The following DNAL4 variants were observed in gnomAD, a reference collection of about 807,000 sequenced individuals.
The protein encoded by DNAL4 is dynein axonemal light chain 4, also known as dynein light chain, outer arm 4.
A neutral mutation model predicts 12.6 loss-of-function variants in DNAL4; 10 were observed. The observed-to-expected ratio is 0.79, with a 90% CI of 0.49 to 1.34. The LOEUF (loss-of-function observed/expected upper bound fraction) is 1.34, where lower values mean the gene tolerates loss of function less well. DNAL4 is among the 40% of genes most tolerant of loss of function. The probability of loss-of-function intolerance (pLI) is 0.00; values close to 1 mark genes in which losing one functional copy is unlikely to be tolerated. For synonymous variants in DNAL4, 46 were observed against 53.1 expected (o/e 0.87, Z 0.58); for missense variants, 128 against 138.1 (o/e 0.93, Z 0.37).
intron 1 of DNAL4, among the ~76,000 whole-genome samples, chr22:38,786,775 C>A (rs1448628481): frequency 1.3e-5 from 2 of 152,176 alleles, no homozygotes; most frequent in African/African-American, 2.4e-5. Flanking sequence ...ATGTGAGGCT[C>A]TTCCTAAGCA....
At chr22:38,780,897 C>T (rs371998560) in intron 3 of DNAL4, 29 bp downstream of exon 3, 40 of 1,613,374 alleles carry the variant, frequency 2.5e-5, no homozygotes, top group Middle Eastern at 1.6e-4. Context: ...ATCAAAAGCA[C>T]GAGGGGCCGC....
intron 1 of DNAL4, among the ~76,000 whole-genome samples, chr22:38,789,701 C>A (rs530754186): frequency 3.9e-5 from 6 of 152,256 alleles, no homozygotes; most frequent in Admixed American, 3.9e-4. Context: ...GGCAGCCTGG[C>A]AGAAAGTAGT....
chr22:38,790,286 G>T (rs2093048604), intron 1 of DNAL4, among the ~76,000 whole-genome samples: 4 of 152,174 alleles, frequency 2.6e-5, no homozygotes, highest in Admixed American at 2.6e-4. Context: ...TGCAGTAATG[G>T]TCCAGGGGTA....
chr22:38,780,872 TC>T lies in DNAL4; in HGVS notation c.153+53del, dbSNP rs540318536. Reference sequence around the variant, plus strand: ...CTGCAGGGAACAGGGGCCACTTTATTCACCCACAGGGGCCATCAAAAGCACG... The same window carrying T: ...CTGCAGGGAACAGGGGCCACTTTATTACCCACAGGGGCCATCAAAAGCACG... On this transcript the variant is annotated intron_variant, in intron 3 of 3. Transcript: ENST00000216068. 1.4e-3 allele frequency: 2,179 copies of T among 1,585,354 alleles called. 4 individuals are homozygous for T. The highest frequency in any genetic ancestry group is 1.7e-3 in the Middle Eastern group (10 of 6,000).
intron 1 of DNAL4, among the ~76,000 whole-genome samples, chr22:38,787,244 CTTT>C (rs199611279): frequency 2.1e-5 from 3 of 142,358 alleles, no homozygotes; most frequent in African/African-American, 2.6e-5. Context: ...TTCTTTCTTT[CTTT>C]TTTTTTTTTT....
chr22:38,780,278 T>G (rs886309672), intron 3 of DNAL4, among the ~76,000 whole-genome samples: 5 of 152,176 alleles, frequency 3.3e-5, no homozygotes, highest in African/African-American at 1.2e-4. Flanking sequence ...TCCTCACAAC[T>G]GGCCCAGTGA....
chr22:38,787,224 TTTTCTTTC>T (rs554835421), intron 1 of DNAL4, among the ~76,000 whole-genome samples: 13 of 151,662 alleles, frequency 8.6e-5, no homozygotes, highest in East Asian at 3.9e-4. Flanking sequence ...TTTTCTTTTC[TTTTCTTTC>T]TTTCTTTCTT....
At position 38,778,801 on chromosome 22, in the gene DNAL4, C is replaced by G. The variant is rs2039738700; in HGVS notation, c.*648G>C. 1 of 152,592 alleles carries G rather than the reference C, an allele frequency of 6.6e-6. No homozygotes were observed. The highest frequency in any genetic ancestry group is 2.1e-4 in the South Asian group (1 of 4,826). The allele number at this position is 152,592 out of a possible 1,614,324, so 9.5% of individuals were successfully genotyped here. A position where few individuals can be genotyped will look rare whatever the true frequency, so the allele number is the denominator to read the frequency against. Reference sequence around the variant, plus strand: ...GGTAGCAGCTCCCACACACCAGCCCCTGGCTCTCAACTGTACGGGTCGAGG... The same window carrying G: ...GGTAGCAGCTCCCACACACCAGCCCGTGGCTCTCAACTGTACGGGTCGAGG... On this transcript the variant is annotated 3_prime_UTR_variant, in exon 4 of 4. Transcript: ENST00000216068.
At position 38,781,022 on chromosome 22, in the gene DNAL4, C is replaced by G. The variant is rs770539064; in HGVS notation, c.70-13G>C. ...GCATGTCCGAGTGCTAGAGACAGGGCAGGGGTAACAAACAAGAGACAGGCT... is the reference window on the plus strand; with the variant it reads ...GCATGTCCGAGTGCTAGAGACAGGGGAGGGGTAACAAACAAGAGACAGGCT... On this transcript the variant is annotated splice_polypyrimidine_tract_variant and intron_variant, in intron 2 of 3. Transcript: ENST00000216068. The G allele has an allele frequency of 1.9e-6, 3 of 1,613,886 alleles. No individual in the cohort carries two copies. In the Admixed American group the frequency reaches 5.0e-5, roughly 27 times the overall value.
At chr22:38,788,058 G>A (rs578239944) in intron 1 of DNAL4, among the ~76,000 whole-genome samples, 14 of 152,304 alleles carry the variant, frequency 9.2e-5, no homozygotes, top group African/African-American at 3.4e-4. Flanking sequence ...TCCAGCCTCT[G>A]TCCAGGCCTG....
Position 38,779,257 on chromosome 22 carries a change from G to A in DNAL4, c.*192C>T. On this transcript the variant is annotated 3_prime_UTR_variant, in exon 4 of 4. Coordinates refer to ENST00000216068, the MANE Select transcript of DNAL4 (RefSeq NM_005740.3). The surrounding 1 kb of genome is among the most constrained non-coding windows in gnomAD (Gnocchi z 4.3). ...CCGTCCACACCCTGAGACTCCGAGG[G>A]AGACGGTTGAGAGCCTGGGGATGGA... 1.4e-6 allele frequency: 1 copy of A among 724,572 alleles called. No homozygotes were observed. The highest frequency in any genetic ancestry group is 2.1e-6 in the Non-Finnish European group (1 of 469,278). 44.9% of individuals were successfully genotyped at this position (724,572 alleles called of 1,614,324 possible).
intron 1 of DNAL4, among the ~76,000 whole-genome samples, chr22:38,784,067 A>C (rs2093038521): frequency 6.6e-6 from 1 of 152,130 alleles, no homozygotes; most frequent in Non-Finnish European, 1.5e-5. Context: ...ACAGCAAAAT[A>C]ATGTTATTCC....
chr22:38,789,390 C>T (rs1240845561), intron 1 of DNAL4, among the ~76,000 whole-genome samples: 1 of 150,146 alleles, frequency 6.7e-6, no homozygotes, highest in Non-Finnish European at 1.5e-5. Context: ...GTAGCTCATG[C>T]TACCACACTC....
At chr22:38,781,078 T>A (rs932724875) in intron 2 of DNAL4, 69 bp from the exon 3 acceptor site, 1 of 1,571,520 alleles carries the variant, frequency 6.4e-7, no homozygotes, top group African/African-American at 1.4e-5. Flanking sequence ...CTGGCTGGCC[T>A]CTCTGTCCCA....
At position 38,779,492 on chromosome 22, in the gene DNAL4, T is replaced by A. The variant is rs769764294; in HGVS notation, c.275A>T (p.Tyr92Phe). The change falls in exon 4 of 4, where the codon TAC (tyrosine) becomes TTC (phenylalanine). Residue 92 changes from tyrosine (Y) to phenylalanine (F), a missense_variant. Tyr to Phe is a conservative substitution (Grantham distance 22). Transcript: ENST00000216068. The surrounding 1 kb of genome is among the most constrained non-coding windows in gnomAD (Gnocchi z 4.3). ...THEVKNLLYL[Y>F]FGGTLAVCVW... ...GCACACAGCCAGGGTGCCCCCGAAGTACAGGTAGAGGAGGTTCTTCACCTC... is the reference window on the plus strand; with the variant it reads ...GCACACAGCCAGGGTGCCCCCGAAGAACAGGTAGAGGAGGTTCTTCACCTC... 1.3e-5 allele frequency: 21 copies of A among 1,581,206 alleles called. No individual in the cohort carries two copies. The highest frequency in any genetic ancestry group is 1.6e-5 in the Non-Finnish European group (19 of 1,163,058).
At chr22:38,786,773 C>T (rs922598064) in intron 1 of DNAL4, among the ~76,000 whole-genome samples, 8 of 152,196 alleles carry the variant, frequency 5.3e-5, no homozygotes. Context: ...TGATGTGAGG[C>T]TCTTCCTAAG....
At chr22:38,784,546 T>C (rs1038063016) in intron 1 of DNAL4, among the ~76,000 whole-genome samples, 3 of 150,782 alleles carry the variant, frequency 2.0e-5, no homozygotes, top group African/African-American at 7.3e-5. Flanking sequence ...AGTCTCACTC[T>C]GTCGCCCAGG....
intron 1 of DNAL4, among the ~76,000 whole-genome samples, chr22:38,791,313 T>C (rs191183907): frequency 5.8e-4 from 89 of 152,274 alleles, no homozygotes; most frequent in African/African-American, 2.0e-3. Context: ...GCCCAGGACA[T>C]TACTGGACAC....
chr22:38,793,130 G>A (rs1200326961), intron 1 of DNAL4, among the ~76,000 whole-genome samples: 1 of 152,076 alleles, frequency 6.6e-6, no homozygotes, highest in African/African-American at 2.4e-5. Flanking sequence ...TGACCAAAAC[G>A]TTGTTATATG....
Sources: allele counts gnomAD v4.1 joint callset (sites outside exome capture counted in the v4.1 genomes callset), GRCh38; gene constraint gnomAD v4.1.1; non-coding constraint Gnocchi (gnomAD v3.1); transcripts MANE v1.5; gene names NCBI Gene and HGNC (gene_info 2026-07-23, HGNC 2026-07-21).